IL1RAPL2: variants seen among roughly 807,000 people sequenced by gnomAD.
The protein encoded by IL1RAPL2 is X-linked interleukin-1 receptor accessory protein-like 2.
In IL1RAPL2, 3 loss-of-function variants were observed where a neutral mutation model predicts 44.1. The ratio of observed to expected loss-of-function variants is 0.07; its 90% CI spans 0.03 to 0.18. The LOEUF (loss-of-function observed/expected upper bound fraction) is 0.18, where lower values mean the gene tolerates loss of function less well. Ranked by LOEUF, IL1RAPL2 falls within the 10% of genes least tolerant of loss-of-function variation. The pLI, the probability that IL1RAPL2 is intolerant of heterozygous loss-of-function variation, is 1.00. For synonymous variants in IL1RAPL2, 181 were observed against 178.8 expected (o/e 1.01, Z -0.10); for missense variants, 391 against 496.4 (o/e 0.79, Z 2.02).
At chrX:105,586,185 G>C (rs768191544) in intron 6 of IL1RAPL2, among the ~76,000 whole-genome samples, 2 of 111,337 alleles carry the variant, frequency 1.8e-5, no homozygotes, top group African/African-American at 6.5e-5. Context: ...TAAAAAGTGG[G>C]CAAAGGACAT....
intron 2 of IL1RAPL2, among the ~76,000 whole-genome samples, chrX:104,884,932 C>T (rs941374380): frequency 2.7e-5 from 3 of 110,990 alleles, no homozygotes; most frequent in East Asian, 5.7e-4. Context: ...CCCAGGCTAT[C>T]GGTTATGTCC....
rs182443695 is a variant in IL1RAPL2 at position 105,267,108 on chromosome X, C to T, written c.544-280C>T. 2.7e-5 allele frequency among the ~76,000 whole-genome samples: 3 copies of T among 110,976 alleles called. No homozygotes were observed. The Admixed American group carries it at 2.9e-4, about 11-fold the overall frequency. ...TATACCTCTCTTGTAATTGGGGAGC[C>T]TCTATGCTATTCTATTTATTTTTTT... is the stretch of plus-strand genomic sequence containing the variant. On this transcript the variant is annotated intron_variant, in intron 4 of 10. Transcript: ENST00000372582.
intron 9 of IL1RAPL2, chrX:105,752,927 G>A (rs1388264873): frequency 3.0e-6 from 1 of 328,639 alleles, no homozygotes; most frequent in Non-Finnish European, 5.9e-6. Context: ...AAAGGGACAC[G>A]AATGAAACCA....
intron 1 of IL1RAPL2, among the ~76,000 whole-genome samples, chrX:104,624,529 A>G (rs923270209): frequency 3.6e-5 from 4 of 111,932 alleles, no homozygotes; most frequent in African/African-American, 6.5e-5. Flanking sequence ...GGTTGAGAAT[A>G]TGAAGTAAAT....
intron 2 of IL1RAPL2, among the ~76,000 whole-genome samples, chrX:105,070,556 T>C (rs1173523530): frequency 9.1e-6 from 1 of 109,737 alleles, no homozygotes; most frequent in Non-Finnish European, 1.9e-5. Flanking sequence ...TAGTCAGGCA[T>C]GGTGGTGAGT....
intron 1 of IL1RAPL2, among the ~76,000 whole-genome samples, chrX:104,610,268 G>A (rs988987837): frequency 9.0e-6 from 1 of 110,659 alleles, no homozygotes; most frequent in Admixed American, 9.7e-5. Flanking sequence ...CATAGTGTTG[G>A]AAGTTCTGGC....
chrX:105,139,436 T>A (rs1213441258), intron 2 of IL1RAPL2, among the ~76,000 whole-genome samples: 1 of 111,565 alleles, frequency 9.0e-6, no homozygotes, highest in East Asian at 2.8e-4. Context: ...TTGAAGAGGG[T>A]CTGAAATGCC....
intron 2 of IL1RAPL2, among the ~76,000 whole-genome samples, chrX:104,761,310 G>A (rs1009770954): frequency 9.0e-6 from 1 of 111,055 alleles, no homozygotes; most frequent in Non-Finnish European, 1.9e-5. Context: ...AGAGGGAAAT[G>A]CCCCTTACAA....
chrX:104,891,870 G>A (rs899107435), intron 2 of IL1RAPL2, among the ~76,000 whole-genome samples: 8 of 111,460 alleles, frequency 7.2e-5, no homozygotes, highest in African/African-American at 2.6e-4. Context: ...CCTGTCTTGT[G>A]CCCGTTTTCA....
chrX:105,494,670 G>T (rs748598382), intron 6 of IL1RAPL2, among the ~76,000 whole-genome samples: 191 of 110,612 alleles, frequency 1.7e-3, no homozygotes, highest in Middle Eastern at 4.7e-3. Flanking sequence ...GTCCCTTTTT[G>T]GGGGGTCAGG....
chrX:104,995,721 C>T (rs1375691994), intron 2 of IL1RAPL2, among the ~76,000 whole-genome samples: 9 of 111,837 alleles, frequency 8.0e-5, no homozygotes, highest in African/African-American at 1.3e-4. Flanking sequence ...TGTGTGTTGA[C>T]ATCTGTCAGA....
intron 5 of IL1RAPL2, among the ~76,000 whole-genome samples, chrX:105,325,538 G>GC (rs2034929448): frequency 2.5e-5 from 1 of 39,760 alleles, no homozygotes; most frequent in African/African-American, 1.7e-4. Context: ...ATCTCTCTTG[G>GC]TTTTATATAT....
At chrX:104,996,372 A>G (rs749852649) in intron 2 of IL1RAPL2, among the ~76,000 whole-genome samples, 33 of 112,236 alleles carry the variant, frequency 2.9e-4, no homozygotes, top group Non-Finnish European at 5.1e-4. Context: ...GAGAACATGC[A>G]GGGTACCATG....
intron 2 of IL1RAPL2, among the ~76,000 whole-genome samples, chrX:104,882,579 C>A (rs1187890689): frequency 9.0e-6 from 1 of 111,247 alleles, no homozygotes; most frequent in African/African-American, 3.3e-5. Flanking sequence ...TGTAAATGCA[C>A]CAATCAGCAC....
chrX:105,434,904 G>T (rs1248797100), intron 5 of IL1RAPL2, among the ~76,000 whole-genome samples: 5 of 111,683 alleles, frequency 4.5e-5, no homozygotes, highest in Admixed American at 1.9e-4. Flanking sequence ...TGTAAGGAAG[G>T]GGTCCAGTTT....
chrX:105,481,840 G>A (rs1159510607), intron 5 of IL1RAPL2, among the ~76,000 whole-genome samples: 1 of 111,367 alleles, frequency 9.0e-6, no homozygotes, highest in Non-Finnish European at 1.9e-5. Flanking sequence ...AAATATAAAG[G>A]CATATAGTGA....
At chrX:104,614,993 T>C (rs909755692) in intron 1 of IL1RAPL2, among the ~76,000 whole-genome samples, 3 of 111,694 alleles carry the variant, frequency 2.7e-5, no homozygotes, top group African/African-American at 9.8e-5. Flanking sequence ...TCAAGATTAA[T>C]ATTGATATAG....
At chrX:105,491,804 C>T (rs1323921013) in intron 6 of IL1RAPL2, among the ~76,000 whole-genome samples, 1 of 112,098 alleles carries the variant, frequency 8.9e-6, no homozygotes, top group Non-Finnish European at 1.9e-5. Context: ...TTGAGTGAGA[C>T]TGAAACTGGT....
At chrX:104,613,097 A>G (rs1929197703) in intron 1 of IL1RAPL2, among the ~76,000 whole-genome samples, 1 of 112,169 alleles carries the variant, frequency 8.9e-6, no homozygotes. Flanking sequence ...TTTTCTAGGT[A>G]TAGAATTATA....
Sources: gnomAD v4.1 joint callset for allele counts (sites outside exome capture counted in the v4.1 genomes callset) on GRCh38, gnomAD v4.1.1 for gene constraint, MANE v1.5 for transcripts, NCBI Gene and HGNC (gene_info 2026-07-23, HGNC 2026-07-21) for gene names.